Variants in CYP2C18 observed in about 807,000 individuals in gnomAD.
CYP2C18 encodes the protein cytochrome P450 2C18.
In CYP2C18, 38 loss-of-function variants were observed where a neutral mutation model predicts 41.3. The observed-to-expected ratio is 0.92, with a 90% confidence interval of 0.71 to 1.21. The LOEUF (loss-of-function observed/expected upper bound fraction) is 1.21, where lower values mean the gene tolerates loss of function less well. Among genes scored for constraint, CYP2C18 ranks in the 50% most tolerant of loss-of-function variants. The probability of loss-of-function intolerance (pLI) is 0.00; values close to 1 mark genes in which losing one functional copy is unlikely to be tolerated. For missense variants in CYP2C18, 635 were observed against 591.4 expected (o/e 1.07, Z -0.77); for synonymous variants, 236 against 210.0 (o/e 1.12, Z -1.07).
At chr10:94,689,456 T>C (rs1264153082) in intron 3 of CYP2C18, among the ~76,000 whole-genome samples, 2 of 152,152 alleles carry the variant, frequency 1.3e-5, no homozygotes, top group Admixed American at 6.6e-5. Flanking sequence ...AGCAAATGTC[T>C]TGTCCACAGC....
intron 3 of CYP2C18, among the ~76,000 whole-genome samples, chr10:94,693,918 ACATCCAAACTGTAT>A (rs1209899482): frequency 2.0e-4 from 31 of 152,180 alleles, no homozygotes; most frequent in African/African-American, 7.0e-4. Context: ...AAGGGAACAC[ACATCCAAACTGTAT>A]CAGGGAGATA....
chr10:94,693,079 G>C (rs1056666296), intron 3 of CYP2C18, among the ~76,000 whole-genome samples: 7 of 152,024 alleles, frequency 4.6e-5, no homozygotes, highest in African/African-American at 1.7e-4. Flanking sequence ...CGAGTTAATG[G>C]GTGCAGCACA....
intron 3 of CYP2C18, among the ~76,000 whole-genome samples, chr10:94,689,488 C>A (rs955774984): frequency 1.3e-5 from 2 of 152,130 alleles, no homozygotes; most frequent in African/African-American, 4.8e-5. Context: ...TTACAAAGCA[C>A]ACTCTCCAGA....
chr10:94,714,026 TG>T (rs1167703060), intron 5 of CYP2C18, among the ~76,000 whole-genome samples: 2 of 152,296 alleles, frequency 1.3e-5, no homozygotes, highest in South Asian at 2.1e-4. Flanking sequence ...GTGATGGGGT[TG>T]TTTTTTTTCT....
rs150665317 is a variant in CYP2C18, at chr10:94,702,864, T to C, written c.643-3920T>C. Among the ~76,000 whole-genome samples the C allele has an allele frequency of 4.7e-3, 710 of 152,322 alleles. 4 individuals are homozygous for C. Among genetic ancestry groups the C allele is most frequent in the African/African-American group, 0.011 (468 of 41,574 alleles). ...TTGTGCTGGTTTTTCCTCATCTTCA[T>C]GGATTTATCTACCTTTGGTCTTTGC... On this transcript the variant is annotated intron_variant, in intron 4 of 8. Coordinates refer to ENST00000285979, the MANE Select transcript of CYP2C18 (RefSeq NM_000772.3).
intron 7 of CYP2C18, among the ~76,000 whole-genome samples, chr10:94,725,332 C>T (rs964526436): frequency 5.3e-5 from 8 of 151,856 alleles, no homozygotes; most frequent in African/African-American, 1.9e-4. Context: ...GATGACCTTA[C>T]ATCAAGCAAA....
chr10:94,717,377 G>A (rs139097730), intron 5 of CYP2C18, among the ~76,000 whole-genome samples: 1 of 152,072 alleles, frequency 6.6e-6, no homozygotes, highest in East Asian at 1.9e-4. Context: ...GGCAGGCATG[G>A]TGGTGACAAA....
chr10:94,728,999 T>G (rs1385448162), intron 7 of CYP2C18, among the ~76,000 whole-genome samples: 2 of 152,126 alleles, frequency 1.3e-5, no homozygotes, highest in Non-Finnish European at 1.5e-5. Flanking sequence ...ATACTGAAGG[T>G]GACATCAAGA....
chr10:94,702,848 T>C (rs1265004959), intron 4 of CYP2C18, among the ~76,000 whole-genome samples: 12 of 152,132 alleles, frequency 7.9e-5, no homozygotes, highest in Admixed American at 7.2e-4. Context: ...TTTGTGCTGG[T>C]TTTTCCTCAT....
At position 94,724,525 on chromosome 10, in the gene CYP2C18, A is replaced by T; in HGVS notation, c.1141A>T (p.Ile381Phe). The T allele has an allele frequency of 1.2e-6, 2 of 1,612,772 alleles. No homozygotes were observed. The highest frequency in any genetic ancestry group is 4.5e-5 in the East Asian group (2 of 44,854). The change falls in exon 7 of 9, where the codon ATC becomes TTC. Residue 381 changes from isoleucine (I) to phenylalanine (F), a missense_variant. Coordinates refer to ENST00000285979, the MANE Select transcript of CYP2C18 (RefSeq NM_000772.3). ...TCDVKFKNYL[I>F]PKGTTIITSL... ...TGATGTTAAATTCAAAAACTACCTC[A>T]TCCCCAAGGTAAGCTTGTTTCTCCT...
At chr10:94,689,345 T>A (rs1846954824) in intron 3 of CYP2C18, among the ~76,000 whole-genome samples, 1 of 150,708 alleles carries the variant, frequency 6.6e-6, no homozygotes, top group African/African-American at 2.5e-5. Flanking sequence ...GTATTAATCA[T>A]GTTTTTTATT....
In CYP2C18 at chr10:94,695,014, G is replaced by T. The variant is rs777889404; in HGVS notation, c.579G>T (p.Arg193Ser). 2.5e-6 allele frequency: 4 copies of T among 1,613,054 alleles called. No individual in the cohort carries two copies. In the African/African-American group the frequency reaches 5.3e-5, roughly 22 times the overall value. Reference protein sequence around the residue: ...FHDRFDYKDQRFLNLMEKFNE... With the variant: ...FHDRFDYKDQSFLNLMEKFNE... ...ATCGATTTGATTATAAAGATCAGAGGTTTCTTAACTTGATGGAAAAATTCA... is the reference window on the plus strand; with the variant it reads ...ATCGATTTGATTATAAAGATCAGAGTTTTCTTAACTTGATGGAAAAATTCA... The change falls in exon 4 of 9, where the codon AGG (arginine) becomes AGT (serine). Residue 193 changes from arginine (R) to serine (S), a missense_variant. Physicochemically the swap from Arg to Ser is moderately radical, Grantham distance 110. Coordinates refer to ENST00000285979, the MANE Select transcript of CYP2C18 (RefSeq NM_000772.3).
At position 94,724,416 on chromosome 10, in the gene CYP2C18, C is replaced by CAT. The variant is rs756551420; in HGVS notation, c.1033_1034dup (p.Met345IlefsTer27). 13 of 1,613,536 alleles carry CAT rather than the reference C, an allele frequency of 8.1e-6. No individual in the cohort carries two copies. The highest frequency in any genetic ancestry group is 1.0e-5 in the Non-Finnish European group (12 of 1,179,726). On this transcript the variant is annotated frameshift_variant, in exon 7 of 9. Coordinates refer to ENST00000285979, the MANE Select transcript of CYP2C18 (RefSeq NM_000772.3). LOFTEE classifies it high-confidence loss of function. Reference sequence around the variant, plus strand: ...GCCCCTGTATGCAGGACAGGAGTCACATGCCCTACACAGATGCTGTGGTGC... The same window carrying CAT: ...GCCCCTGTATGCAGGACAGGAGTCACATATGCCCTACACAGATGCTGTGGTGC...
Position 94,724,439 on chromosome 10 carries a change from T to C in CYP2C18, c.1055T>C (p.Val352Ala). The C allele has an allele frequency of 6.2e-7, 1 of 1,613,624 alleles. No individual in the cohort carries two copies. Among genetic ancestry groups the C allele is most frequent in the Non-Finnish European group, 8.5e-7 (1 of 1,179,710 alleles). ...RSHMPYTDAV[V>A]HEIQRYIDLL... The stretch of plus-strand genomic sequence containing the variant: ...CACATGCCCTACACAGATGCTGTGG[T>C]GCACGAGATCCAGAGATACATTGAC... Residue 352 changes from valine (V) to alanine (A), a missense_variant, in exon 7 of 9, where the codon GTG becomes GCG. Coordinates refer to ENST00000285979, the MANE Select transcript of CYP2C18 (RefSeq NM_000772.3).
At position 94,733,401 on chromosome 10, in the gene CYP2C18, C is replaced by T. The variant is rs750989887; in HGVS notation, c.1254C>T (p.Asn418=). 1.8e-5 allele frequency: 29 copies of T among 1,613,264 alleles called. No homozygotes were observed. The highest frequency in any genetic ancestry group is 2.5e-5 in the Non-Finnish European group (29 of 1,179,542). The change falls in exon 8 of 9, where the codon AAC becomes AAT. Residue 418 remains asparagine (N), a synonymous_variant. Transcript: ENST00000285979. ...GCCACTTTCTGGATAAGAGTGGCAA[C>T]TTTAAGAAAAGTGACTACTTCATGC... is the stretch of plus-strand genomic sequence containing the variant. ...DPGHFLDKSG[N]FKKSDYFMPF...
At position 94,727,384 on chromosome 10, in the gene CYP2C18, G is replaced by A. The variant is rs1031428445; in HGVS notation, c.1149+2851G>A. ...AATCCCAGCTCTTTGGGAGGCCAAA[G>A]TGGAAGGATCATTTGCACCCAGGAG... On this transcript the variant is annotated intron_variant, in intron 7 of 8. Coordinates refer to ENST00000285979, the MANE Select transcript of CYP2C18 (RefSeq NM_000772.3). Among the ~76,000 whole-genome samples the A allele has an allele frequency of 5.9e-5, 9 of 152,302 alleles. No individual in the cohort carries two copies. The South Asian group carries it at 1.0e-3, about 18-fold the overall frequency.
rs773829862 is a variant in CYP2C18 at position 94,688,297 on chromosome 10, G to A, written c.481+23G>A. 2.5e-6 allele frequency: 4 copies of A among 1,577,604 alleles called. No individual in the cohort carries two copies. The South Asian group carries it at 4.8e-5, about 19-fold the overall frequency. ...ATGGTGGGTGACTTTTTTTTTTCCT[G>A]AAAAATGTTTTCTAAAATTTATTTT... On this transcript the variant is annotated intron_variant, in intron 3 of 8. Coordinates refer to ENST00000285979, the MANE Select transcript of CYP2C18 (RefSeq NM_000772.3).
intron 3 of CYP2C18, among the ~76,000 whole-genome samples, chr10:94,688,585 T>C (rs938213717): frequency 6.6e-6 from 1 of 152,224 alleles, no homozygotes; most frequent in African/African-American, 2.4e-5. Context: ...TTCATGATAG[T>C]GGTTGTCAGT....
At chr10:94,688,383 T>G (rs1360945780) in intron 3 of CYP2C18, 109 bp downstream of exon 3, 1 of 1,278,068 alleles carries the variant, frequency 7.8e-7, no homozygotes, top group Non-Finnish European at 1.1e-6. Flanking sequence ...TGTAATATTT[T>G]GTTACATGCA....
Sources: gnomAD v4.1 joint callset for allele counts (sites outside exome capture counted in the v4.1 genomes callset) on GRCh38, gnomAD v4.1.1 for gene constraint, MANE v1.5 for transcripts, NCBI Gene and HGNC (gene_info 2026-07-23, HGNC 2026-07-21) for gene names.